ERC2: variants seen among roughly 807,000 people sequenced by gnomAD.
ERC2 encodes the protein ERC protein 2.
Under a neutral mutation model 114.8 loss-of-function variants are expected in ERC2, and 42 were observed. The observed-to-expected ratio is 0.37, with a 90% CI of 0.29 to 0.47. ERC2 has a LOEUF of 0.47. Among genes scored for constraint, ERC2 ranks in the 20% least tolerant of loss-of-function variants. The pLI is 0.99. For synonymous variants in ERC2, 454 were observed against 425.5 expected (o/e 1.07, Z -0.82); for missense variants, 939 against 1,150.7 (o/e 0.82, Z 2.66).
At chr3:56,174,977 A>T (rs1356683703) in intron 3 of ERC2, among the ~76,000 whole-genome samples, 1 of 3,136 alleles carries the variant, frequency 3.2e-4, no homozygotes, top group Non-Finnish European at 3.6e-3. Context: ...ACTCTGTCTA[A>T]AAAAAAAAAA....
chr3:55,971,334 T>C (rs933028259), intron 12 of ERC2, among the ~76,000 whole-genome samples: 1 of 152,156 alleles, frequency 6.6e-6, no homozygotes, highest in Non-Finnish European at 1.5e-5. Context: ...GGGTGAATTT[T>C]ATGGTATGCA....
chr3:55,751,583 T>A (rs1408868517), intron 14 of ERC2, among the ~76,000 whole-genome samples: 1 of 152,174 alleles, frequency 6.6e-6, no homozygotes, highest in Non-Finnish European at 1.5e-5. Flanking sequence ...ATGGTAGTTA[T>A]CCCTTCAATT....
chr3:55,882,082 C>T (rs972092314), intron 14 of ERC2, among the ~76,000 whole-genome samples: 5 of 152,172 alleles, frequency 3.3e-5, no homozygotes, highest in Non-Finnish European at 7.4e-5. Flanking sequence ...AATGGGAAAA[C>T]GGTGTTTGGG....
chr3:55,743,834 C>A (rs1559584496), intron 14 of ERC2, among the ~76,000 whole-genome samples: 1 of 152,096 alleles, frequency 6.6e-6, no homozygotes. Context: ...GTCTCTGAAA[C>A]TTCAAGTTCC....
At chr3:55,681,228 AT>A (rs1273588250) in intron 17 of ERC2, among the ~76,000 whole-genome samples, 1 of 152,186 alleles carries the variant, frequency 6.6e-6, no homozygotes, top group Non-Finnish European at 1.5e-5. Context: ...GGAGGAGCTG[AT>A]GGGGTTGTTA....
At chr3:56,411,679 T>G (rs879412174) in intron 2 of ERC2, among the ~76,000 whole-genome samples, 1 of 152,120 alleles carries the variant, frequency 6.6e-6, no homozygotes, top group Non-Finnish European at 1.5e-5. Context: ...ATGACACTAC[T>G]CTTTTTAGCA....
intron 3 of ERC2, chr3:56,173,761 T>C: frequency 2.0e-6 from 1 of 488,320 alleles, no homozygotes; most frequent in South Asian, 2.6e-5. Flanking sequence ...ATGTCAACTG[T>C]GACAAAGCCA....
chr3:56,171,213 T>C (rs1352762464), intron 4 of ERC2, among the ~76,000 whole-genome samples: 2 of 152,210 alleles, frequency 1.3e-5, no homozygotes, highest in Non-Finnish European at 2.9e-5. Flanking sequence ...CTGTACAATA[T>C]GAGCTTCCAA....
intron 2 of ERC2, among the ~76,000 whole-genome samples, chr3:56,320,151 A>C (rs993863074): frequency 3.9e-5 from 6 of 152,184 alleles, no homozygotes; most frequent in Admixed American, 3.9e-4. Flanking sequence ...GAGCAAAGAA[A>C]ATATTTGATT....
chr3:55,872,745 T>G (rs1247901054), intron 14 of ERC2, among the ~76,000 whole-genome samples: 1 of 152,202 alleles, frequency 6.6e-6, no homozygotes, highest in Admixed American at 6.5e-5. Context: ...TTTCTGAATC[T>G]ACCTGGTCTG....
intron 17 of ERC2, among the ~76,000 whole-genome samples, chr3:55,652,881 AAAC>A (rs1332312977): frequency 1.3e-4 from 20 of 151,376 alleles, no homozygotes; most frequent in African/African-American, 3.9e-4. Context: ...AAAAAAAAAA[AAAC>A]CAATACATGT....
intron 14 of ERC2, among the ~76,000 whole-genome samples, chr3:55,752,145 A>T (rs983414021): frequency 2.0e-5 from 3 of 152,154 alleles, no homozygotes; most frequent in Non-Finnish European, 4.4e-5. Context: ...TGTTAGCCCC[A>T]CCTAGGTCAA....
chr3:55,633,098 T>G (rs2059820503), intron 17 of ERC2, among the ~76,000 whole-genome samples: 1 of 152,218 alleles, frequency 6.6e-6, no homozygotes, highest in Non-Finnish European at 1.5e-5. Flanking sequence ...TGGTGGGCTT[T>G]TGTGAGCTCT....
chr3:56,439,780 T>C (rs1326710621), intron 1 of ERC2, among the ~76,000 whole-genome samples: 1 of 152,162 alleles, frequency 6.6e-6, no homozygotes, highest in Non-Finnish European at 1.5e-5. Flanking sequence ...TGAATGTTCA[T>C]TTCTCTTTAA....
intron 2 of ERC2, among the ~76,000 whole-genome samples, chr3:56,364,540 A>G (rs1196767044): frequency 2.0e-5 from 3 of 152,238 alleles, no homozygotes; most frequent in Non-Finnish European, 4.4e-5. Flanking sequence ...ATATGTACAT[A>G]CAATACTAAT....
At chr3:56,461,924 A>AG (rs1216548911) in intron 1 of ERC2, among the ~76,000 whole-genome samples, 3 of 152,242 alleles carry the variant, frequency 2.0e-5, no homozygotes. Flanking sequence ...AGTAAAGAGA[A>AG]GAAAAAAAGG....
intron 3 of ERC2, among the ~76,000 whole-genome samples, chr3:56,274,572 G>A (rs1437883334): frequency 1.3e-5 from 2 of 152,088 alleles, no homozygotes; most frequent in African/African-American, 4.8e-5. Flanking sequence ...TTGTTCAAAG[G>A]CCAACTATAA....
intron 3 of ERC2, among the ~76,000 whole-genome samples, chr3:56,185,879 C>A (rs1264923543): frequency 6.6e-6 from 1 of 151,758 alleles, no homozygotes; most frequent in Non-Finnish European, 1.5e-5. Context: ...GAGAGAGATG[C>A]GGCAGATGAG....
chr3:55,740,785 T>C (rs1383582848), intron 14 of ERC2, among the ~76,000 whole-genome samples: 1 of 152,132 alleles, frequency 6.6e-6, no homozygotes, highest in Non-Finnish European at 1.5e-5. Flanking sequence ...TTAAAATACC[T>C]CTTTCTTAAG....
Sources: gnomAD v4.1 joint callset for allele counts (sites outside exome capture counted in the v4.1 genomes callset) on GRCh38, gnomAD v4.1.1 for gene constraint, MANE v1.5 for transcripts, NCBI Gene and HGNC (gene_info 2026-07-23, HGNC 2026-07-21) for gene names.